The following DRC2 variants were observed in gnomAD, a reference collection of about 807,000 sequenced individuals.
DRC2 encodes the protein dynein regulatory complex subunit 2.
chr12:48,918,107 C>T, the DRC2 span: 2 of 627,624 alleles, frequency 3.2e-6, no homozygotes, highest in Non-Finnish European at 5.5e-6. Flanking sequence ...CCACCCGGCC[C>T]ACAAAACATA....
the DRC2 span, among the ~76,000 whole-genome samples, chr12:48,919,958 CA>C: frequency 5.3e-5 from 8 of 149,842 alleles, no homozygotes; most frequent in African/African-American, 1.7e-4. Context: ...CCATCTCTAC[CA>C]AAAAAAAGCT....
At chr12:48,904,603 G>A in the DRC2 span, 24 of 1,300,002 alleles carry the variant, frequency 1.8e-5, no homozygotes, top group Admixed American at 5.0e-5. Context: ...TTAGATTTCA[G>A]GCAACATTGT....
chr12:48,914,319 AG>A, the DRC2 span: 3 of 1,384,682 alleles, frequency 2.2e-6, no homozygotes, highest in Non-Finnish European at 2.9e-6. Flanking sequence ...TTAGGAACAA[AG>A]AAAAAACTGC....
At chr12:48,904,275 A>AAC in the DRC2 span, 16 of 1,555,542 alleles carry the variant, frequency 1.0e-5, no homozygotes, top group South Asian at 1.8e-4. Flanking sequence ...TTTTCTTCTA[A>AAC]GCTCTGTAAC....
chr12:48,919,616 C>G, the DRC2 span, among the ~76,000 whole-genome samples: 1 of 152,012 alleles, frequency 6.6e-6, no homozygotes, highest in African/African-American at 2.4e-5. Context: ...CTCCCCAGTT[C>G]AAGCAATTCT....
chr12:48,921,517 A>G, the DRC2 span: 1 of 1,186,110 alleles, frequency 8.4e-7, no homozygotes, highest in African/African-American at 1.7e-5. Flanking sequence ...ACTCCTAGAG[A>G]TTTTTTTTTT....
the DRC2 span, chr12:48,918,559 C>A: frequency 6.7e-7 from 1 of 1,501,580 alleles, no homozygotes; most frequent in Non-Finnish European, 9.1e-7. Flanking sequence ...TGGGCCTCAT[C>A]ACTGATCATT....
the DRC2 span, among the ~76,000 whole-genome samples, chr12:48,914,773 G>A: frequency 1.3e-5 from 2 of 152,014 alleles, no homozygotes; most frequent in Non-Finnish European, 2.9e-5. Context: ...CTTTACTCAC[G>A]TCAGGTCCCT....
the DRC2 span, among the ~76,000 whole-genome samples, chr12:48,912,499 C>T: frequency 6.8e-6 from 1 of 147,284 alleles, no homozygotes. Context: ...GACTGTTAGG[C>T]TCCTGGAGGG....
the DRC2 span, chr12:48,914,563 G>A: frequency 6.2e-7 from 1 of 1,613,996 alleles, no homozygotes; most frequent in Non-Finnish European, 8.5e-7. Context: ...CAAGGAGTTT[G>A]AGACAGAAAG....
At chr12:48,919,519 TA>T in the DRC2 span, among the ~76,000 whole-genome samples, 2 of 151,002 alleles carry the variant, frequency 1.3e-5, no homozygotes, top group East Asian at 2.0e-4. Flanking sequence ...TTTAATTAAT[TA>T]TTTTTTTTTT....
the DRC2 span, among the ~76,000 whole-genome samples, chr12:48,916,704 G>A: frequency 1.3e-5 from 2 of 152,040 alleles, no homozygotes; most frequent in African/African-American, 4.8e-5. Flanking sequence ...CATTTGGCAG[G>A]GAACAGGGAT....
chr12:48,904,173 C>T, the DRC2 span: 5 of 841,914 alleles, frequency 5.9e-6, no homozygotes, highest in African/African-American at 8.6e-5. Context: ...TCACTGATAG[C>T]CGGGGATCTC....
At chr12:48,919,671 C>A in the DRC2 span, among the ~76,000 whole-genome samples, 1 of 152,016 alleles carries the variant, frequency 6.6e-6, no homozygotes, top group African/African-American at 2.4e-5. Flanking sequence ...GTGCGCACCA[C>A]CACACCCGGC....
the DRC2 span, among the ~76,000 whole-genome samples, chr12:48,911,168 G>T: frequency 6.6e-6 from 1 of 152,168 alleles, no homozygotes; most frequent in African/African-American, 2.4e-5. Context: ...GGCACATATT[G>T]TCTAGCTCTC....
chr12:48,914,678 A>G, the DRC2 span: 1 of 1,052,832 alleles, frequency 9.5e-7, no homozygotes, highest in South Asian at 1.6e-5. Flanking sequence ...GGAGCATCCC[A>G]CATTGATTAT....
At chr12:48,909,212 T>C in the DRC2 span, among the ~76,000 whole-genome samples, 1 of 151,426 alleles carries the variant, frequency 6.6e-6, no homozygotes, top group Non-Finnish European at 1.5e-5. Context: ...CCCAGCTAAT[T>C]TGGTATTTTT....
chr12:48,918,675 G>T, the DRC2 span: 1 of 1,612,238 alleles, frequency 6.2e-7, no homozygotes. Context: ...AATCTACTCT[G>T]TTCCTCTAGG....
the DRC2 span, chr12:48,921,492 GA>G: frequency 2.0e-6 from 3 of 1,528,914 alleles, no homozygotes; most frequent in Non-Finnish European, 2.6e-6. Context: ...GTGATCTAAG[GA>G]AAAAAATCTT....
Sources: allele counts gnomAD v4.1 joint callset (sites outside exome capture counted in the v4.1 genomes callset), GRCh38; gene constraint gnomAD v4.1.1; transcripts MANE v1.5; gene names NCBI Gene and HGNC (gene_info 2026-07-23, HGNC 2026-07-21).